Variants in ZNF600 observed in about 807,000 individuals in gnomAD.
ZNF600 encodes the protein zinc finger protein KR-ZNF1.
Under a neutral mutation model 7.3 loss-of-function variants are expected in ZNF600, and 4 were observed. The observed-to-expected ratio is 0.55, with a 90% CI of 0.27 to 1.25. ZNF600 has a LOEUF of 1.25. ZNF600 is among the 50% of genes most tolerant of loss of function. The probability of loss-of-function intolerance (pLI) is 0.12; values close to 1 mark genes in which losing one functional copy is unlikely to be tolerated. For synonymous variants in ZNF600, 290 were observed against 308.9 expected (o/e 0.94, Z 0.64); for missense variants, 911 against 922.1 (o/e 0.99, Z 0.16).
upstream of ZNF600, among the ~76,000 whole-genome samples, chr19:52,788,319 G>A (rs10405247): frequency 4.0e-3 from 603 of 152,186 alleles, 6 homozygotes; most frequent in Middle Eastern, 0.014. Flanking sequence ...AGAATCCACC[G>A]AGGAATATTA....
the ZNF600 span, chr19:52,799,985 T>C: frequency 6.2e-7 from 1 of 1,612,976 alleles, no homozygotes; most frequent in South Asian, 1.1e-5. Flanking sequence ...TTATAAGCGA[T>C]GATGTCTGAC....
At chr19:52,783,638 A>G (rs143196292) in intron 1 of ZNF600, among the ~76,000 whole-genome samples, 3,785 of 152,174 alleles carry the variant, frequency 0.025, 148 homozygotes, top group African/African-American at 0.083. Flanking sequence ...TGGGATTACA[A>G]GCGTGAGCCA....
At chr19:52,764,937 T>G (rs1167695732) in exon 4 of ZNF600, 4 of 172,502 alleles carry the variant, frequency 2.3e-5, no homozygotes, top group African/African-American at 9.6e-5. Flanking sequence ...GGCTGACATC[T>G]GTTGGCCATG....
chr19:52,799,916 G>C, the ZNF600 span: 1 of 1,613,462 alleles, frequency 6.2e-7, no homozygotes, highest in Non-Finnish European at 8.5e-7. Flanking sequence ...TCTGACTGAA[G>C]GTCTTGCCAC....
the ZNF600 span, among the ~76,000 whole-genome samples, chr19:52,812,193 C>A: frequency 7.6e-6 from 1 of 130,748 alleles, no homozygotes; most frequent in African/African-American, 3.7e-5. Context: ...AGGTGAGGGG[C>A]GCTTCTGCCC....
At chr19:52,788,059 A>G (rs1485406089), upstream of ZNF600, among the ~76,000 whole-genome samples, 7 of 152,064 alleles carry the variant, frequency 4.6e-5, no homozygotes, top group African/African-American at 1.4e-4. Context: ...GCTGCCCAAT[A>G]TCACTGACAC....
chr19:52,793,424 TAG>T, the ZNF600 span, among the ~76,000 whole-genome samples: 1 of 152,100 alleles, frequency 6.6e-6, no homozygotes, highest in Non-Finnish European at 1.5e-5. Flanking sequence ...GCTGAGGGGC[TAG>T]AGAGTCCCAG....
At chr19:52,801,395 T>C in the ZNF600 span, 5 of 1,614,234 alleles carry the variant, frequency 3.1e-6, no homozygotes, top group Non-Finnish European at 4.2e-6. Context: ...ATATGTGCAG[T>C]TCAGGCAGAT....
At chr19:52,769,803 C>T (rs751192139) in intron 3 of ZNF600, among the ~76,000 whole-genome samples, 4 of 152,130 alleles carry the variant, frequency 2.6e-5, no homozygotes, top group African/African-American at 9.7e-5. Context: ...AATCTTCCCG[C>T]CTCAGCCTCC....
intron 3 of ZNF600, among the ~76,000 whole-genome samples, chr19:52,771,719 C>A (rs2062631743): frequency 6.6e-6 from 1 of 152,092 alleles, no homozygotes; most frequent in Non-Finnish European, 1.5e-5. Flanking sequence ...CTGAGGTGAT[C>A]CACCCGTCTT....
At chr19:52,806,800 T>G in the ZNF600 span, among the ~76,000 whole-genome samples, 2 of 151,796 alleles carry the variant, frequency 1.3e-5, no homozygotes, top group African/African-American at 4.8e-5. Flanking sequence ...TACTCAGGAA[T>G]CTGGGGCATA....
intron 1 of ZNF600, among the ~76,000 whole-genome samples, chr19:52,780,317 A>G (rs540439251): frequency 1.4e-4 from 22 of 152,322 alleles, no homozygotes; most frequent in South Asian, 6.2e-4. Flanking sequence ...TCACAAAGGA[A>G]ACCCGGAGAA....
At chr19:52,830,835 G>GT in the ZNF600 span, among the ~76,000 whole-genome samples, 3 of 146,514 alleles carry the variant, frequency 2.0e-5, no homozygotes, top group African/African-American at 5.3e-5. Context: ...AGAGCAGGAA[G>GT]TAATGGGCAT....
At chr19:52,779,984 C>G (rs2062707388) in intron 1 of ZNF600, among the ~76,000 whole-genome samples, 1 of 152,060 alleles carries the variant, frequency 6.6e-6, no homozygotes, top group Non-Finnish European at 1.5e-5. Context: ...CCACTGCACT[C>G]CAGCCTGGGT....
At chr19:52,812,787 A>G in the ZNF600 span, among the ~76,000 whole-genome samples, 1 of 131,076 alleles carries the variant, frequency 7.6e-6, no homozygotes, top group African/African-American at 2.8e-5. Flanking sequence ...AAAAAAAAAA[A>G]GTTTTAAGTG....
intron 1 of ZNF600, chr19:52,780,674 G>A (rs983104599): frequency 3.3e-5 from 5 of 152,254 alleles, no homozygotes; most frequent in African/African-American, 1.2e-4. Context: ...GTTGCAGTGA[G>A]CTGATATCAT....
chr19:52,809,930 CG>C, the ZNF600 span: 15 of 862,142 alleles, frequency 1.7e-5, no homozygotes, highest in Middle Eastern at 3.3e-4. Context: ...GTGGGGAGGC[CG>C]GGGAGGTTGC....
intron 1 of ZNF600, among the ~76,000 whole-genome samples, chr19:52,785,025 C>A (rs2062752499): frequency 6.6e-6 from 1 of 152,188 alleles, no homozygotes; most frequent in Non-Finnish European, 1.5e-5. Context: ...GCATGAGCCA[C>A]TGCGCCCAGC....
chr19:52,787,884 GAA>G (rs1248734197), upstream of ZNF600, among the ~76,000 whole-genome samples: 7 of 111,390 alleles, frequency 6.3e-5, no homozygotes, highest in African/African-American at 2.0e-4. Flanking sequence ...AAAAGAAAAA[GAA>G]AAAGAAATAT....
Sources: allele counts gnomAD v4.1 joint callset (sites outside exome capture counted in the v4.1 genomes callset), GRCh38; gene constraint gnomAD v4.1.1; transcripts MANE v1.5; gene names NCBI Gene and HGNC (gene_info 2026-07-23, HGNC 2026-07-21).